ARHGAP42: variants seen among roughly 807,000 people sequenced by gnomAD.
The protein encoded by ARHGAP42 is rho GTPase-activating protein 42.
ARHGAP42 carries 63 observed loss-of-function variants against 125.0 expected under a neutral mutation model. The observed-to-expected ratio is 0.50, with a 90% CI of 0.41 to 0.62. ARHGAP42 has a LOEUF of 0.62. ARHGAP42 is among the 20% of genes least tolerant of loss of function. The pLI is 0.00. For missense variants in ARHGAP42, 766 were observed against 1,024.2 expected (o/e 0.75, Z 3.44); for synonymous variants, 339 against 351.0 (o/e 0.97, Z 0.38).
intron 1 of ARHGAP42, among the ~76,000 whole-genome samples, chr11:100,720,845 G>A (rs149046577): frequency 1.3e-3 from 205 of 151,990 alleles, no homozygotes; most frequent in African/African-American, 4.5e-3. Flanking sequence ...ACTCAAAAAT[G>A]AATATTAAAA....
At chr11:100,866,782 A>G (rs545916796) in intron 4 of ARHGAP42, among the ~76,000 whole-genome samples, 1 of 152,146 alleles carries the variant, frequency 6.6e-6, no homozygotes, top group Non-Finnish European at 1.5e-5. Flanking sequence ...CAACAGTGGG[A>G]ATTACAGTTT....
intron 3 of ARHGAP42, among the ~76,000 whole-genome samples, chr11:100,811,366 G>A (rs2135059672): frequency 6.6e-6 from 1 of 152,316 alleles, no homozygotes; most frequent in South Asian, 2.1e-4. Context: ...CTTAGTAAAA[G>A]AAGTAAATCC....
chr11:100,834,501 T>C (rs1240473560), intron 3 of ARHGAP42, among the ~76,000 whole-genome samples: 1 of 152,144 alleles, frequency 6.6e-6, no homozygotes, highest in Non-Finnish European at 1.5e-5. Flanking sequence ...ACATCATACC[T>C]GGGAGGACAC....
At chr11:100,971,155 T>G (rs1264342939) in intron 17 of ARHGAP42, among the ~76,000 whole-genome samples, 5 of 152,090 alleles carry the variant, frequency 3.3e-5, no homozygotes, top group Non-Finnish European at 7.4e-5. Flanking sequence ...AATTAGTAGA[T>G]TTGCTTGAAC....
intron 5 of ARHGAP42, among the ~76,000 whole-genome samples, chr11:100,914,665 G>T: frequency 6.6e-6 from 1 of 152,136 alleles, no homozygotes; most frequent in East Asian, 1.9e-4. Flanking sequence ...CGGGAACCGT[G>T]AGGTCTCCTT....
At chr11:100,908,729 C>T (rs558965389) in intron 4 of ARHGAP42, among the ~76,000 whole-genome samples, 5 of 152,278 alleles carry the variant, frequency 3.3e-5, no homozygotes, top group Admixed American at 6.5e-5. Flanking sequence ...ACTTTTTGAT[C>T]TAATGATTTC....
At chr11:100,735,378 C>T (rs1862044906) in intron 1 of ARHGAP42, among the ~76,000 whole-genome samples, 1 of 152,042 alleles carries the variant, frequency 6.6e-6, no homozygotes, top group South Asian at 2.1e-4. Context: ...AGAGGAAATG[C>T]CAAAAGTGAC....
At chr11:100,971,931 C>T (rs1399587900) in intron 17 of ARHGAP42, among the ~76,000 whole-genome samples, 1 of 152,148 alleles carries the variant, frequency 6.6e-6, no homozygotes, top group Non-Finnish European at 1.5e-5. Context: ...AGGCTTACTA[C>T]ATTTACATAC....
At chr11:100,903,706 C>CAAAAAAAA (rs749877720) in intron 4 of ARHGAP42, among the ~76,000 whole-genome samples, 336 of 32,304 alleles carry the variant, frequency 0.01, 14 homozygotes, top group African/African-American at 0.017. Context: ...ACATGTCCCT[C>CAAAAAAAA]AAAATATATA....
At chr11:100,792,886 G>C (rs1434728745) in intron 2 of ARHGAP42, among the ~76,000 whole-genome samples, 1 of 151,760 alleles carries the variant, frequency 6.6e-6, no homozygotes, top group Non-Finnish European at 1.5e-5. Context: ...CTGAGTAGCT[G>C]GGACTACAGG....
chr11:100,815,174 C>T (rs1864239024), intron 3 of ARHGAP42, among the ~76,000 whole-genome samples: 1 of 152,190 alleles, frequency 6.6e-6, no homozygotes, highest in South Asian at 2.1e-4. Context: ...ACTGCTGGTA[C>T]CAAGTGCTTA....
At chr11:100,863,982 C>A (rs185536549) in intron 4 of ARHGAP42, among the ~76,000 whole-genome samples, 290 of 152,246 alleles carry the variant, frequency 1.9e-3, no homozygotes, top group Non-Finnish European at 3.3e-3. Context: ...TTGCATCAAC[C>A]AAATAATATA....
At chr11:100,982,847 T>A (rs985779426) in intron 22 of ARHGAP42, among the ~76,000 whole-genome samples, 2 of 152,288 alleles carry the variant, frequency 1.3e-5, no homozygotes. Context: ...CCCAGTGAGT[T>A]TGAGTTTTTA....
chr11:100,942,017 T>C, intron 9 of ARHGAP42, 133 bp downstream of exon 9: 1 of 719,176 alleles, frequency 1.4e-6, no homozygotes, highest in East Asian at 3.0e-5. Flanking sequence ...GTCAAAGGTT[T>C]TCTCTCATTT....
At chr11:100,698,979 T>C (rs1177217432) in intron 1 of ARHGAP42, among the ~76,000 whole-genome samples, 1 of 151,402 alleles carries the variant, frequency 6.6e-6, no homozygotes, top group Non-Finnish European at 1.5e-5. Context: ...TGTTTCTCAG[T>C]ATGTGATGTT....
At chr11:100,727,657 C>T (rs767502125) in intron 1 of ARHGAP42, among the ~76,000 whole-genome samples, 2 of 152,184 alleles carry the variant, frequency 1.3e-5, no homozygotes, top group Admixed American at 1.3e-4. Context: ...AGCACATCCA[C>T]GTGCTGGGAG....
chr11:100,841,694 C>G (rs557379925), intron 3 of ARHGAP42, among the ~76,000 whole-genome samples: 4 of 152,254 alleles, frequency 2.6e-5, no homozygotes, highest in African/African-American at 7.2e-5. Context: ...ATCAATATGT[C>G]TTACGGCATT....
At chr11:100,693,816 C>T (rs11224390) in intron 1 of ARHGAP42, among the ~76,000 whole-genome samples, 8,559 of 152,204 alleles carry the variant, frequency 0.056, 363 homozygotes, top group East Asian at 0.21. Flanking sequence ...TAGCAACTGT[C>T]CATTCATTTA....
intron 3 of ARHGAP42, among the ~76,000 whole-genome samples, chr11:100,856,523 A>G (rs1042560375): frequency 2.0e-5 from 3 of 152,016 alleles, no homozygotes; most frequent in African/African-American, 7.2e-5. Flanking sequence ...TTCCATTTTG[A>G]TCTCTTGAAT....
Sources: gnomAD v4.1 joint callset for allele counts (sites outside exome capture counted in the v4.1 genomes callset) on GRCh38, gnomAD v4.1.1 for gene constraint, MANE v1.5 for transcripts, NCBI Gene and HGNC (gene_info 2026-07-23, HGNC 2026-07-21) for gene names.